Variants in PARD3B observed in about 807,000 individuals in gnomAD.
PARD3B encodes the protein par-3 family cell polarity regulator beta, also known as partitioning defective 3 homolog B.
PARD3B carries 103 observed loss-of-function variants against 130.2 expected under a neutral mutation model. The ratio of observed to expected loss-of-function variants is 0.79; its 90% CI spans 0.67 to 0.93. PARD3B has a LOEUF of 0.93. Among genes scored for constraint, PARD3B ranks in the 40% least tolerant of loss-of-function variants. PARD3B has a pLI of 0.00. For synonymous variants in PARD3B, 583 were observed against 553.2 expected, an observed-to-expected ratio of 1.05 and a Z score of -0.76; for missense variants, 1,609 against 1,499.2, an observed-to-expected ratio of 1.07 and a Z score of -1.21.
intron 3 of PARD3B, among the ~76,000 whole-genome samples, chr2:205,045,112 G>GTTT (rs201589277): frequency 7.9e-5 from 11 of 138,578 alleles, no homozygotes; most frequent in Non-Finnish European, 1.4e-4. Flanking sequence ...CCATCTTAAA[G>GTTT]TTTTTTTTTT....
intron 2 of PARD3B, among the ~76,000 whole-genome samples, chr2:204,805,597 A>G (rs1239066969): frequency 6.6e-6 from 1 of 152,140 alleles, no homozygotes. Flanking sequence ...AAAGCAGACA[A>G]ATACAAATCA....
intron 10 of PARD3B, among the ~76,000 whole-genome samples, chr2:205,140,486 CTTTTTTTTT>C (rs35408494): frequency 2.6e-5 from 3 of 117,496 alleles, no homozygotes; most frequent in African/African-American, 6.3e-5. Context: ...AAGACCGTTC[CTTTTTTTTT>C]TTTTTTTTTT....
intron 18 of PARD3B, among the ~76,000 whole-genome samples, chr2:205,334,564 G>A (rs1312267985): frequency 2.0e-5 from 3 of 152,174 alleles, no homozygotes; most frequent in African/African-American, 7.2e-5. Context: ...TTGTCAGAGG[G>A]CAGATATAGG....
At chr2:204,797,671 A>G (rs2042422119) in intron 2 of PARD3B, among the ~76,000 whole-genome samples, 1 of 152,230 alleles carries the variant, frequency 6.6e-6, no homozygotes, top group Non-Finnish European at 1.5e-5. Context: ...CATTTGTAAA[A>G]TACATATATT....
intron 1 of PARD3B, among the ~76,000 whole-genome samples, chr2:204,637,722 G>A (rs2034934923): frequency 6.6e-6 from 1 of 150,602 alleles, no homozygotes; most frequent in Non-Finnish European, 1.5e-5. Flanking sequence ...TTAGCAAATT[G>A]GTTACAGCTT....
intron 18 of PARD3B, among the ~76,000 whole-genome samples, chr2:205,312,454 G>A (rs2042422778): frequency 1.3e-5 from 2 of 152,178 alleles, no homozygotes; most frequent in Admixed American, 6.5e-5. Context: ...ACAGATCAGG[G>A]TAAGACGGCT....
intron 4 of PARD3B, among the ~76,000 whole-genome samples, chr2:205,093,240 A>G (rs1156329344): frequency 6.6e-6 from 1 of 152,184 alleles, no homozygotes; most frequent in African/African-American, 2.4e-5. Flanking sequence ...TTTAAGGAAA[A>G]GGAACAGATT....
chr2:204,672,531 A>C (rs2036353883), intron 1 of PARD3B, among the ~76,000 whole-genome samples: 1 of 152,220 alleles, frequency 6.6e-6, no homozygotes, highest in Admixed American at 6.5e-5. Context: ...TATAGCAATA[A>C]AAATTGCTAT....
At chr2:205,047,903 G>A (rs1698915321) in intron 4 of PARD3B, 4 of 385,912 alleles carry the variant, frequency 1.0e-5, no homozygotes, top group South Asian at 8.5e-5. Flanking sequence ...TATGTGCCAA[G>A]TACTATTTTA....
rs1158138582 is a variant in PARD3B at position 204,623,601 on chromosome 2, A to G, written c.121-62580A>G. 1.3e-5 allele frequency among the ~76,000 whole-genome samples: 2 copies of G among 152,104 alleles called. No homozygotes were observed. Among genetic ancestry groups the G allele is most frequent in the Admixed American group, 1.3e-4 (2 of 15,256 alleles). ...GCATAATGTCATTGAGATATATCCA[A>G]GTTGTTGCATGTATCAATAATTCAT... On this transcript the variant is annotated intron_variant, in intron 1 of 22. Transcript: ENST00000406610. The surrounding 1 kb of genome is among the most constrained non-coding windows in gnomAD (Gnocchi z 4.5).
chr2:204,967,736 G>A lies in PARD3B; in HGVS notation c.394+2413G>A, dbSNP rs1207560020. ...GAAGGAAGCAACACAGCCAGCTTTG[G>A]TCTCCACCCATTCTGTTTTCCTGTT... is the stretch of plus-strand genomic sequence containing the variant. On this transcript the variant is annotated intron_variant, in intron 3 of 22. Transcript: ENST00000406610. The surrounding 1 kb of genome is among the most constrained non-coding windows in gnomAD (Gnocchi z 4.4). Among the ~76,000 whole-genome samples the A allele has an allele frequency of 6.6e-6, 1 of 152,196 alleles. No individual in the cohort carries two copies. The highest frequency in any genetic ancestry group is 1.5e-5 in the Non-Finnish European group (1 of 68,028).
intron 2 of PARD3B, among the ~76,000 whole-genome samples, chr2:204,898,322 T>C (rs2046720706): frequency 6.6e-6 from 1 of 152,098 alleles, no homozygotes; most frequent in Non-Finnish European, 1.5e-5. Flanking sequence ...CCAATAGTAG[T>C]TATTTTAAAA....
At chr2:205,551,465 G>C (rs1354281302) in intron 21 of PARD3B, among the ~76,000 whole-genome samples, 1 of 151,500 alleles carries the variant, frequency 6.6e-6, no homozygotes, top group African/African-American at 2.4e-5. Flanking sequence ...CAATCTCTCT[G>C]TCTGTGATTG....
intron 20 of PARD3B, among the ~76,000 whole-genome samples, chr2:205,465,473 T>C (rs1272071636): frequency 6.6e-6 from 1 of 152,242 alleles, no homozygotes; most frequent in African/African-American, 2.4e-5. Flanking sequence ...TTTTGCTTTC[T>C]ATAAAACTCG....
chr2:204,994,830 T>C (rs1264194699), intron 3 of PARD3B, among the ~76,000 whole-genome samples: 2 of 151,336 alleles, frequency 1.3e-5, no homozygotes, highest in Non-Finnish European at 2.9e-5. Flanking sequence ...TTTACCATTA[T>C]GTAATGGCCT....
intron 20 of PARD3B, among the ~76,000 whole-genome samples, chr2:205,452,521 T>C (rs924273621): frequency 1.3e-5 from 2 of 152,188 alleles, no homozygotes; most frequent in Admixed American, 6.5e-5. Context: ...GCAATCAGAT[T>C]TTTTTTCTTA....
In PARD3B at chr2:205,174,355, C is replaced by G. The variant is rs550698136; in HGVS notation, c.1791+1974C>G. ...TTTAAACAAGATCCATTTTTAGTTT[C>G]CCTAATATTTACATGCTTTCCATGG... On this transcript the variant is annotated intron_variant, in intron 12 of 22. Transcript: ENST00000406610. Among the ~76,000 whole-genome samples, 13 of 152,282 alleles carry G rather than the reference C, an allele frequency of 8.5e-5. No homozygotes were observed. In the South Asian group the frequency reaches 2.7e-3, roughly 32 times the overall value.
rs2051301042 is a variant in PARD3B, at chr2:205,525,578, T to A, written c.3180+25547T>A. 6.6e-6 allele frequency among the ~76,000 whole-genome samples: 1 copy of A among 152,238 alleles called. No individual in the cohort carries two copies. Among genetic ancestry groups the A allele is most frequent in the Admixed American group, 6.5e-5 (1 of 15,282 alleles). ...CATAGGGGTATTGGTTGCATGACTT[T>A]ATTAGCTCCTAGACTGAGGTCTATT... On this transcript the variant is annotated intron_variant, in intron 21 of 22. Transcript: ENST00000406610. This position sits in a 1 kb window ranked among gnomAD's most constrained non-coding sequence, Gnocchi z 4.2.
chr2:205,581,902 T>C (rs2054004874), intron 22 of PARD3B, among the ~76,000 whole-genome samples: 1 of 152,194 alleles, frequency 6.6e-6, no homozygotes, highest in Non-Finnish European at 1.5e-5. Flanking sequence ...GGTTTGGAGA[T>C]GGTCCACAGA....
Sources: gnomAD v4.1 joint callset for allele counts (sites outside exome capture counted in the v4.1 genomes callset) on GRCh38, gnomAD v4.1.1 for gene constraint, Gnocchi (gnomAD v3.1) non-coding constraint, MANE v1.5 for transcripts, NCBI Gene and HGNC (gene_info 2026-07-23, HGNC 2026-07-21) for gene names.